The following MYO1F variants were observed in gnomAD, a reference collection of about 807,000 sequenced individuals.
The protein encoded by MYO1F is unconventional myosin-If.
Under a neutral mutation model 146.6 loss-of-function variants are expected in MYO1F, and 60 were observed. The ratio of observed to expected loss-of-function variants is 0.41; its 90% CI spans 0.33 to 0.51. The LOEUF is 0.51. MYO1F is among the 20% of genes least tolerant of loss of function. The pLI is 0.25. For synonymous variants in MYO1F, 602 were observed against 602.1 expected, an observed-to-expected ratio of 1.00 and a Z score of 0.00; for missense variants, 1,274 against 1,534.3, an observed-to-expected ratio of 0.83 and a Z score of 2.83.
chr19:8,530,686 C>A lies in MYO1F; in HGVS notation c.2044-113G>T, dbSNP rs1053077312. On this transcript the variant is annotated intron_variant, in intron 19 of 27. Coordinates refer to ENST00000644032, the MANE Select transcript of MYO1F (RefSeq NM_012335.4). The surrounding 1 kb of genome is among the most constrained non-coding windows in gnomAD (Gnocchi z 5.8). ...ACACGCTTTTGCTCACCCATCCCCA[C>A]ACATGTGCTAATTTTTTTAAGAGGC... 61 of 821,618 alleles carry A rather than the reference C, an allele frequency of 7.4e-5. No individual in the cohort carries two copies. Among genetic ancestry groups the A allele is most frequent in the Admixed American group, 3.1e-4 (16 of 50,880 alleles). The allele number at this position is 821,618 out of a possible 1,614,324, so 50.9% of individuals were successfully genotyped here.
intron 24 of MYO1F, 88 bp downstream of exon 24, chr19:8,526,365 C>G: frequency 4.0e-6 from 6 of 1,506,518 alleles, no homozygotes; most frequent in Non-Finnish European, 5.4e-6. Context: ...CTCTCTCTCT[C>G]TGTAGACACT....
intron 1 of MYO1F, among the ~76,000 whole-genome samples, chr19:8,575,373 C>T (rs1042233886): frequency 6.6e-6 from 1 of 152,036 alleles, no homozygotes; most frequent in Non-Finnish European, 1.5e-5. Context: ...CCGCACCCGG[C>T]CGGGCATTAG....
rs549991223 is a variant in MYO1F at position 8,522,722 on chromosome 19, A to G, written c.2962T>C (p.Ser988Pro). The G allele has an allele frequency of 6.2e-7, 1 of 1,613,414 alleles. No homozygotes were observed. Among genetic ancestry groups the G allele is most frequent in the East Asian group, 2.2e-5 (1 of 44,848 alleles). ...HRPPRGPPST[S>P]LGASRRPRAR... is the part of the protein sequence containing the mutation. ...CGGGGTCGTCTGCTGGCTCCCAGGG[A>G]TGTGGACGGAGGGCCCCGGGGAGGC... Residue 988 changes from serine (S) to proline (P), a missense_variant, in exon 26 of 28, where the codon TCC becomes CCC. By Grantham distance (74) the Ser-to-Pro change is moderately conservative (BLOSUM62 -1). Transcript: ENST00000644032.
intron 1 of MYO1F, among the ~76,000 whole-genome samples, chr19:8,573,559 T>A (rs1555732503): frequency 6.6e-6 from 1 of 151,564 alleles, no homozygotes; most frequent in Non-Finnish European, 1.5e-5. Flanking sequence ...CCAACCACCA[T>A]CTAGTCATCG....
At chr19:8,552,616 A>AGGTGC (rs199899608) in intron 6 of MYO1F, among the ~76,000 whole-genome samples, 3,430 of 152,134 alleles carry the variant, frequency 0.023, 101 homozygotes, top group African/African-American at 0.071. Flanking sequence ...TGTAATACTG[A>AGGTGC]AGTCTATGAG....
At chr19:8,555,960 G>T (rs1973835874) in intron 1 of MYO1F, among the ~76,000 whole-genome samples, 164 bp from the exon 2 acceptor site, 1 of 151,054 alleles carries the variant, frequency 6.6e-6, no homozygotes, top group Non-Finnish European at 1.5e-5. Flanking sequence ...CAGGCCCCCT[G>T]CCCCAGACAG....
At chr19:8,539,827 G>T in intron 16 of MYO1F, 120 bp downstream of exon 16, 2 of 879,716 alleles carry the variant, frequency 2.3e-6, no homozygotes, top group South Asian at 1.5e-5. Context: ...GTCAGAGGCA[G>T]AAGCCCCAGG....
intron 16 of MYO1F, 84 bp from the exon 17 acceptor site, chr19:8,537,139 C>T (rs1343586731): frequency 2.2e-6 from 2 of 899,228 alleles, no homozygotes; most frequent in Admixed American, 4.0e-5. Context: ...GGATACAGTC[C>T]CAATAGACAG....
At chr19:8,563,075 T>C (rs1447916283) in intron 1 of MYO1F, among the ~76,000 whole-genome samples, 2 of 151,856 alleles carry the variant, frequency 1.3e-5, no homozygotes, top group Non-Finnish European at 2.9e-5. Flanking sequence ...CACTGTAACC[T>C]CTGCCTCCCG....
intron 25 of MYO1F, among the ~76,000 whole-genome samples, chr19:8,523,686 G>A (rs776196217): frequency 7.2e-5 from 11 of 151,906 alleles, no homozygotes; most frequent in Non-Finnish European, 5.9e-5. Flanking sequence ...ACAGGGTTTT[G>A]CTCTGTGGCC....
chr19:8,545,321 T>A (rs144104013), intron 13 of MYO1F: 1 of 351,452 alleles, frequency 2.8e-6, no homozygotes, highest in African/African-American at 2.1e-5. Context: ...ACTCCTGACC[T>A]CAGGTGATCC....
At chr19:8,556,779 C>T (rs538002893) in intron 1 of MYO1F, among the ~76,000 whole-genome samples, 24 of 149,758 alleles carry the variant, frequency 1.6e-4, no homozygotes, top group African/African-American at 5.4e-4. Context: ...CCCAGCTACT[C>T]GGGAGGCTGA....
Position 8,570,526 on chromosome 19 carries a change from C to G in MYO1F, c.3+6781G>C, listed in dbSNP as rs1212570273. On this transcript the variant is annotated intron_variant, in intron 1 of 27. Coordinates refer to ENST00000644032, the MANE Select transcript of MYO1F (RefSeq NM_012335.4). The stretch of plus-strand genomic sequence containing the variant: ...GGATTACAGGTGCACGCCACCACAC[C>G]TGGCTAATTTTTGTGTTTTTAGTAG... Among the ~76,000 whole-genome samples the G allele has an allele frequency of 2.0e-5, 3 of 151,922 alleles. No homozygotes were observed. The East Asian group carries it at 5.8e-4, about 29-fold the overall frequency.
chr19:8,525,668 C>T, intron 24 of MYO1F, 106 bp from the exon 25 acceptor site: 1 of 939,280 alleles, frequency 1.1e-6, no homozygotes, highest in Non-Finnish European at 1.7e-6. Flanking sequence ...CCCCCTCAGG[C>T]TCTCCCATTA....
At chr19:8,549,377 T>C (rs1169959167) in intron 10 of MYO1F, 1 of 152,004 alleles carries the variant, frequency 6.6e-6, no homozygotes, top group Non-Finnish European at 1.5e-5. Flanking sequence ...GGTCAGGGAT[T>C]CTTCCACCTC....
chr19:8,561,420 T>TCCC, intron 1 of MYO1F, among the ~76,000 whole-genome samples: 1 of 118,046 alleles, frequency 8.5e-6, no homozygotes, highest in East Asian at 3.4e-4. Context: ...TCTCCCTCCC[T>TCCC]TCCTTTCTCC....
chr19:8,555,858 G>A (rs939948694), intron 1 of MYO1F, 62 bp from the exon 2 acceptor site: 11 of 1,511,688 alleles, frequency 7.3e-6, no homozygotes, highest in East Asian at 4.6e-5. Flanking sequence ...CTGGCTCACC[G>A]ACGCTATCAG....
intron 16 of MYO1F, 119 bp downstream of exon 16, chr19:8,539,828 A>G (rs927586793): frequency 1.1e-6 from 1 of 882,558 alleles, no homozygotes; most frequent in East Asian, 2.7e-5. Flanking sequence ...TCAGAGGCAG[A>G]AGCCCCAGGA....
rs901029516 is a variant in MYO1F, at chr19:8,526,408, C to T, written c.2770+45G>A. On this transcript the variant is annotated intron_variant, in intron 24 of 27. Coordinates refer to ENST00000644032, the MANE Select transcript of MYO1F (RefSeq NM_012335.4). The stretch of plus-strand genomic sequence containing the variant: ...CTGGCCTTCGTCCACTCTTAACCAG[C>T]CTCGCTGGCCCCGCCCCCTCTGCCC... 3.9e-6 allele frequency: 6 copies of T among 1,546,166 alleles called. No homozygotes were observed. In the African/African-American group the frequency reaches 5.5e-5, roughly 14 times the overall value.
Sources: allele counts gnomAD v4.1 joint callset (sites outside exome capture counted in the v4.1 genomes callset), GRCh38; gene constraint gnomAD v4.1.1; non-coding constraint Gnocchi (gnomAD v3.1); transcripts MANE v1.5; gene names NCBI Gene and HGNC (gene_info 2026-07-23, HGNC 2026-07-21).